SMIM35: variants seen among roughly 807,000 people sequenced by gnomAD.
The protein encoded by SMIM35 is TMPRSS4 antisense RNA 1 (non-protein coding).
At chr11:118,014,028 A>C in intron 3 of SMIM35, 148 bp from the exon 4 acceptor site, 1 of 394,762 alleles carries the variant, frequency 2.5e-6, no homozygotes, top group Non-Finnish European at 4.5e-6. Flanking sequence ...TCTCAGGGCC[A>C]AAGGAGGTAC....
At chr11:118,010,767 G>T (rs1167033730) in intron 4 of SMIM35, among the ~76,000 whole-genome samples, 1 of 152,206 alleles carries the variant, frequency 6.6e-6, no homozygotes, top group Non-Finnish European at 1.5e-5. Flanking sequence ...ACCAAAGCGT[G>T]GCAGGGGAAC....
At chr11:118,028,945 G>T in intron 1 of SMIM35, 1 of 401,120 alleles carries the variant, frequency 2.5e-6, no homozygotes, top group South Asian at 1.8e-5. Flanking sequence ...AAGAGGAGGA[G>T]GAGGAGAAAT....
At chr11:118,029,726 C>A (rs1437036973) in intron 1 of SMIM35, 2 of 457,272 alleles carry the variant, frequency 4.4e-6, no homozygotes, top group African/African-American at 2.0e-5. Context: ...CTACCCTCTG[C>A]CCCAGAAACA....
intron 1 of SMIM35, among the ~76,000 whole-genome samples, chr11:118,018,224 A>G (rs187299793): frequency 1.3e-5 from 2 of 152,242 alleles, no homozygotes; most frequent in South Asian, 2.1e-4. Context: ...TCTGAAGACA[A>G]TGAGGGGAGC....
chr11:118,078,597 C>T lies in SMIM35; in HGVS notation c.7+8154G>A, dbSNP rs1029944510. Among the ~76,000 whole-genome samples, 5 of 152,286 alleles carry T rather than the reference C, an allele frequency of 3.3e-5. No individual in the cohort carries two copies. In the South Asian group the frequency reaches 6.2e-4, roughly 19 times the overall value. On this transcript the variant is annotated intron_variant, in intron 1 of 4. Transcript: ENST00000689828. The stretch of plus-strand genomic sequence containing the variant: ...CCAAAGTTTGGCCTGTGTGCAGAGA[C>T]GCTGTATCCCCTGGGGCTCCCAGGA...
At chr11:118,021,053 T>TTTTGTTTTTGTTTTTG (rs1555070959) in intron 1 of SMIM35, among the ~76,000 whole-genome samples, 5 of 150,290 alleles carry the variant, frequency 3.3e-5, no homozygotes, top group Middle Eastern at 7.0e-3. Flanking sequence ...TAAGGTTTTT[T>TTTTGTTTTTGTTTTTG]TTTTTACTAT....
At chr11:118,007,062 C>CA (rs1482444110) in intron 4 of SMIM35, among the ~76,000 whole-genome samples, 1 of 152,216 alleles carries the variant, frequency 6.6e-6, no homozygotes, top group African/African-American at 2.4e-5. Context: ...CACACACGCA[C>CA]ACGCACACAC....
At chr11:118,031,905 A>C (rs9326250) in intron 1 of SMIM35, 84,291 of 151,518 alleles carry the variant, frequency 0.56, 24,524 homozygotes, top group Admixed American at 0.66. Flanking sequence ...TGGGAGGCTG[A>C]GACAGGAGGA....
At position 118,010,544 on chromosome 11, in the gene SMIM35, C is replaced by T. The variant is rs574291435; in HGVS notation, c.*33+3204G>A. ...GACCTATGGAACATAACTTTGTTGG[C>T]AGAGGGTTCAGCCTGGTTGAGGAAC... On this transcript the variant is annotated intron_variant, in intron 4 of 4. Transcript: ENST00000689828. Among the ~76,000 whole-genome samples the T allele has an allele frequency of 5.3e-5, 8 of 152,302 alleles. No homozygotes were observed. In the East Asian group the frequency reaches 1.5e-3, roughly 29 times the overall value.
intron 1 of SMIM35, among the ~76,000 whole-genome samples, chr11:118,069,210 A>T (rs1282255700): frequency 6.6e-6 from 1 of 152,224 alleles, no homozygotes; most frequent in Non-Finnish European, 1.5e-5. Context: ...CTCATCTGTA[A>T]GATGGGAACA....
chr11:118,051,730 G>A lies in SMIM35; in HGVS notation c.7+35021C>T, dbSNP rs532067497. On this transcript the variant is annotated intron_variant, in intron 1 of 4. Transcript: ENST00000689828. ...ATCAAAACACACCACAGGAAGGGGAGAATAACAAAGCCAGCCATGTCATCT... is the reference window on the plus strand; with the variant it reads ...ATCAAAACACACCACAGGAAGGGGAAAATAACAAAGCCAGCCATGTCATCT... Among the ~76,000 whole-genome samples, 30 of 152,318 alleles carry A rather than the reference G, an allele frequency of 2.0e-4. No homozygotes were observed. The South Asian group carries it at 3.5e-3, about 18-fold the overall frequency.
chr11:118,030,226 G>T (rs1313635529), intron 1 of SMIM35, among the ~76,000 whole-genome samples: 3 of 152,002 alleles, frequency 2.0e-5, no homozygotes, highest in Non-Finnish European at 4.4e-5. Context: ...GTAGAGATGG[G>T]GTTTCGCCAT....
intron 1 of SMIM35, chr11:118,077,190 G>A: frequency 7.1e-7 from 1 of 1,399,912 alleles, no homozygotes; most frequent in Non-Finnish European, 9.8e-7. Context: ...TGCTGACCAG[G>A]GACTTCTGAC....
intron 1 of SMIM35, among the ~76,000 whole-genome samples, chr11:118,016,382 C>T (rs891643140): frequency 4.6e-5 from 7 of 152,206 alleles, no homozygotes; most frequent in African/African-American, 1.4e-4. Flanking sequence ...AGGTTGGAAA[C>T]CTGCAGGAGA....
At chr11:118,037,668 C>T (rs545297265) in intron 1 of SMIM35, among the ~76,000 whole-genome samples, 1 of 152,216 alleles carries the variant, frequency 6.6e-6, no homozygotes. Flanking sequence ...TTAAGTTGAT[C>T]TTGCAAGGTG....
intron 1 of SMIM35, among the ~76,000 whole-genome samples, chr11:118,083,739 T>A (rs2135243095): frequency 6.6e-6 from 1 of 152,298 alleles, no homozygotes; most frequent in South Asian, 2.1e-4. Flanking sequence ...ATTGTTGTTG[T>A]TATTATTATT....
intron 1 of SMIM35, among the ~76,000 whole-genome samples, chr11:118,083,127 G>A (rs1006045600): frequency 2.6e-5 from 4 of 152,062 alleles, no homozygotes; most frequent in African/African-American, 7.2e-5. Flanking sequence ...CCTGGCCCTC[G>A]TCTGCCACAG....
chr11:118,068,176 A>T (rs1249389298), intron 1 of SMIM35, among the ~76,000 whole-genome samples: 1 of 152,004 alleles, frequency 6.6e-6, no homozygotes, highest in African/African-American at 2.4e-5. Context: ...CACAGAAAGG[A>T]TGCTCAGTAT....
chr11:118,035,166 G>A (rs2135065536), intron 1 of SMIM35, among the ~76,000 whole-genome samples: 1 of 152,198 alleles, frequency 6.6e-6, no homozygotes, highest in East Asian at 1.9e-4. Flanking sequence ...TGACCAGGCT[G>A]TTTTTGAACT....
Sources: gnomAD v4.1 joint callset for allele counts (sites outside exome capture counted in the v4.1 genomes callset) on GRCh38, gnomAD v4.1.1 for gene constraint, MANE v1.5 for transcripts, NCBI Gene and HGNC (gene_info 2026-07-23, HGNC 2026-07-21) for gene names.